MMP17: variants seen among roughly 807,000 people sequenced by gnomAD.
The protein encoded by MMP17 is matrix metalloproteinase-17.
MMP17 carries 54 observed loss-of-function variants against 49.1 expected under a neutral mutation model. The observed-to-expected ratio is 1.10, with a 90% CI of 0.88 to 1.38. The LOEUF (loss-of-function observed/expected upper bound fraction) is 1.38. Among genes scored for constraint, MMP17 ranks in the 40% most tolerant of loss-of-function variants. The pLI is 0.00. For missense variants in MMP17, 837 were observed against 853.7 expected, an observed-to-expected ratio of 0.98 and a Z score of 0.24; for synonymous variants, 397 against 383.1, an observed-to-expected ratio of 1.04 and a Z score of -0.42.
Position 131,849,974 on chromosome 12 carries a change from G to C in MMP17, c.1377G>C (p.Arg459Ser), listed in dbSNP as rs967934479. ...ACTGGCGCTACGATGACCACACGAGGCACATGGACCCCGGCTACCCCGCCC... is the reference window on the plus strand; with the variant it reads ...ACTGGCGCTACGATGACCACACGAGCCACATGGACCCCGGCTACCCCGCCC... Reference protein sequence around the residue: ...QLYWRYDDHTRHMDPGYPAQS... With the variant: ...QLYWRYDDHTSHMDPGYPAQS... Residue 459 changes from arginine to serine, a missense_variant, in exon 9 of 10, where the codon AGG (arginine) becomes AGC (serine). Transcript: ENST00000360564. 1 of 1,613,930 alleles carries C rather than the reference G, an allele frequency of 6.2e-7. No individual in the cohort carries two copies. Among genetic ancestry groups the C allele is most frequent in the African/African-American group, 1.3e-5 (1 of 75,050 alleles).
chr12:131,844,067 C>G lies in MMP17; in HGVS notation c.954C>G (p.Asn318Lys). The G allele has an allele frequency of 6.4e-7, 1 of 1,562,756 alleles. No individual in the cohort carries two copies. Among genetic ancestry groups the G allele is most frequent in the Non-Finnish European group, 8.6e-7 (1 of 1,156,684 alleles). The change falls in exon 6 of 10, where the codon AAC (asparagine) becomes AAG (lysine). Residue 318 changes from asparagine to lysine, a missense_variant. Transcript: ENST00000360564. The stretch of plus-strand genomic sequence containing the variant: ...CCCTGCTGCCGGAGCCCCCAGACAA[C>G]CGGTCCAGCGCCCCGTAAGCCCTGG... ...EPPLLPEPPD[N>K]RSSAPPRKDV...
chr12:131,848,381 C>T (rs890330044), intron 8 of MMP17, among the ~76,000 whole-genome samples: 3 of 152,196 alleles, frequency 2.0e-5, no homozygotes, highest in African/African-American at 4.8e-5. Flanking sequence ...CCACCACTCC[C>T]GGTCTGGTTT....
At chr12:131,829,883 C>T (rs983747653) in intron 1 of MMP17, among the ~76,000 whole-genome samples, 7 of 152,360 alleles carry the variant, frequency 4.6e-5, no homozygotes, top group African/African-American at 9.6e-5. Flanking sequence ...CTGCTGCCCG[C>T]GTCCAGGTGC....
chr12:131,831,839 G>C (rs559785762), intron 1 of MMP17, among the ~76,000 whole-genome samples: 5 of 33,490 alleles, frequency 1.5e-4, no homozygotes, highest in East Asian at 1.1e-3. Context: ...GGGGGGGGAC[G>C]GGAAGGGGGA....
Position 131,838,195 on chromosome 12 carries a change from G to A in MMP17, c.160G>A (p.Glu54Lys). 6.2e-7 allele frequency: 1 copy of A among 1,612,220 alleles called. No individual in the cohort carries two copies. Among genetic ancestry groups the A allele is most frequent in the Non-Finnish European group, 8.5e-7 (1 of 1,179,336 alleles). Residue 54 changes from glutamate to lysine, a missense_variant and splice_region_variant, in exon 2 of 10, where the codon GAG becomes AAG. Coordinates refer to ENST00000360564, the MANE Select transcript of MMP17 (RefSeq NM_016155.7). ...CCCTCACCCTGCTCTCTGCCCTCAGGAGTGGCTAAGCAGGTTCGGTTACCT... is the reference window on the plus strand; with the variant it reads ...CCCTCACCCTGCTCTCTGCCCTCAGAAGTGGCTAAGCAGGTTCGGTTACCT... The part of the protein sequence containing the change: ...PRAEDLSLGV[E>K]WLSRFGYLPP...
At chr12:131,834,076 G>A (rs1401104520) in intron 1 of MMP17, among the ~76,000 whole-genome samples, 1 of 152,260 alleles carries the variant, frequency 6.6e-6, no homozygotes, top group Non-Finnish European at 1.5e-5. Context: ...AGAGTCAGGG[G>A]CTGTGGGTGC....
chr12:131,834,767 GCCA>G (rs1282518463), intron 1 of MMP17, among the ~76,000 whole-genome samples: 4 of 151,990 alleles, frequency 2.6e-5, no homozygotes, highest in Non-Finnish European at 5.9e-5. Flanking sequence ...AGCCCACCTT[GCCA>G]CCACCACCAC....
At chr12:131,847,228 C>A (rs11246853) in intron 8 of MMP17, among the ~76,000 whole-genome samples, 6 of 151,568 alleles carry the variant, frequency 4.0e-5, no homozygotes, top group Non-Finnish European at 4.4e-5. Context: ...CTGGTTAACA[C>A]GGTGAAACCC....
At chr12:131,848,948 C>T (rs1404906986) in intron 8 of MMP17, among the ~76,000 whole-genome samples, 2 of 152,174 alleles carry the variant, frequency 1.3e-5, no homozygotes, top group Non-Finnish European at 2.9e-5. Context: ...TGCTGGATCA[C>T]GTGGTAATTC....
intron 3 of MMP17, 105 bp from the exon 4 acceptor site, chr12:131,840,468 C>T: frequency 7.8e-7 from 1 of 1,276,822 alleles, no homozygotes; most frequent in Non-Finnish European, 1.1e-6. Flanking sequence ...TGGGGGAGAC[C>T]CTCATAGGGG....
intron 1 of MMP17, among the ~76,000 whole-genome samples, chr12:131,831,112 C>G (rs915656804): frequency 6.6e-6 from 1 of 152,226 alleles, no homozygotes; most frequent in Non-Finnish European, 1.5e-5. Context: ...CGGAGCCGCC[C>G]GTCTATTCAC....
chr12:131,849,686 A>T, intron 8 of MMP17, 116 bp from the exon 9 acceptor site: 1 of 1,187,952 alleles, frequency 8.4e-7, no homozygotes, highest in African/African-American at 1.5e-5. Flanking sequence ...TGTCCCATCA[A>T]GCCCAGGTGA....
At chr12:131,850,122 A>G in intron 9 of MMP17, 63 bp downstream of exon 9, 1 of 1,506,402 alleles carries the variant, frequency 6.6e-7, no homozygotes. Context: ...GAGGGGCATC[A>G]CTACAGGGCA....
intron 4 of MMP17, among the ~76,000 whole-genome samples, chr12:131,841,152 TCA>T (rs1389374395): frequency 6.6e-6 from 1 of 152,204 alleles, no homozygotes; most frequent in Non-Finnish European, 1.5e-5. Context: ...TGGCCCCGGC[TCA>T]GTGTCACTCC....
In MMP17 at chr12:131,851,109, T is replaced by G. The variant is rs1566096565; in HGVS notation, c.1647T>G (p.His549Gln). 1.3e-6 allele frequency: 2 copies of G among 1,595,618 alleles called. No homozygotes were observed. The highest frequency in any genetic ancestry group is 1.7e-5 in the Admixed American group (1 of 57,332). Residue 549 changes from histidine to glutamine, a missense_variant, in exon 10 of 10, where the codon CAT becomes CAG. His to Gln is a conservative substitution (Grantham distance 24, BLOSUM62 0). Transcript: ENST00000360564. The part of the protein sequence containing the change: ...AEGPRAPPGQ[H>Q]DQSRSEDGYE... ...GGCCCCGCGCCCCTCCAGGACAACATGACCAGAGCCGCTCGGAGGACGGTT... is the reference window on the plus strand; with the variant it reads ...GGCCCCGCGCCCCTCCAGGACAACAGGACCAGAGCCGCTCGGAGGACGGTT...
chr12:131,849,228 A>C (rs936437705), intron 8 of MMP17, among the ~76,000 whole-genome samples: 2 of 152,208 alleles, frequency 1.3e-5, no homozygotes, highest in African/African-American at 4.8e-5. Context: ...TCACACCTGT[A>C]ATCCCAGCAC....
rs750420686 is a variant in MMP17, at chr12:131,845,331, C to T, written c.1086C>T (p.His362=). 7 of 1,604,782 alleles carry T rather than the reference C, an allele frequency of 4.4e-6. No homozygotes were observed. Among genetic ancestry groups the T allele is most frequent in the Non-Finnish European group, 6.0e-6 (7 of 1,175,358 alleles). The part of the protein sequence containing the change: ...KYFWRLTRDR[H]LVSLQPAQMH... Reference sequence around the variant, plus strand: ...TCTGGCGGCTGACGCGGGACCGGCACCTGGTGTCCCTGCAGCCGGCACAGA... The same window carrying T: ...TCTGGCGGCTGACGCGGGACCGGCATCTGGTGTCCCTGCAGCCGGCACAGA... Residue 362 remains histidine, a synonymous_variant, in exon 8 of 10, where the codon CAC becomes CAT. Coordinates refer to ENST00000360564, the MANE Select transcript of MMP17 (RefSeq NM_016155.7).
chr12:131,850,255 C>T (rs947447064), intron 9 of MMP17, among the ~76,000 whole-genome samples, 196 bp downstream of exon 9: 1 of 152,182 alleles, frequency 6.6e-6, no homozygotes, highest in African/African-American at 2.4e-5. Context: ...GCCTGGCCCA[C>T]GAGCTGCCCT....
rs761152977 is a variant in MMP17 at position 131,849,942 on chromosome 12, C to G, written c.1345C>G (p.Gln449Glu). ...HNDRTYFFKDQLYWRYDDHTR... is the reference protein window; with the variant it reads ...HNDRTYFFKDELYWRYDDHTR... Reference sequence around the variant, plus strand: ...TGACAGGACTTATTTCTTTAAGGACCAGCTGTACTGGCGCTACGATGACCA... The same window carrying G: ...TGACAGGACTTATTTCTTTAAGGACGAGCTGTACTGGCGCTACGATGACCA... The change falls in exon 9 of 10, where the codon CAG (glutamine) becomes GAG (glutamate). Residue 449 changes from glutamine (Q) to glutamate (E), a missense_variant. Transcript: ENST00000360564. 2 of 1,614,040 alleles carry G rather than the reference C, an allele frequency of 1.2e-6. No individual in the cohort carries two copies. The highest frequency in any genetic ancestry group is 1.7e-6 in the Non-Finnish European group (2 of 1,180,010).
Sources: allele counts gnomAD v4.1 joint callset (sites outside exome capture counted in the v4.1 genomes callset), GRCh38; gene constraint gnomAD v4.1.1; transcripts MANE v1.5; gene names NCBI Gene and HGNC (gene_info 2026-07-23, HGNC 2026-07-21).